TRPM3: variants seen among roughly 807,000 people sequenced by gnomAD.
TRPM3 encodes the protein transient receptor potential cation channel subfamily M member 3.
A neutral mutation model predicts 181.2 loss-of-function variants in TRPM3; 77 were observed. The observed-to-expected ratio is 0.42, with a 90% CI of 0.35 to 0.51. The LOEUF (loss-of-function observed/expected upper bound fraction) is 0.51. TRPM3 is among the 20% of genes least tolerant of loss of function. The probability of loss-of-function intolerance (pLI) is 0.01; values close to 1 mark genes in which losing one functional copy is unlikely to be tolerated. For synonymous variants in TRPM3, 745 were observed against 796.4 expected (o/e 0.94, Z 1.09); for missense variants, 1,759 against 2,196.7 (o/e 0.80, Z 3.98).
At chr9:70,781,566 G>A (rs932280749) in intron 7 of TRPM3, among the ~76,000 whole-genome samples, 1 of 151,896 alleles carries the variant, frequency 6.6e-6, no homozygotes, top group African/African-American at 2.4e-5. Context: ...AAGTGCATTT[G>A]AATATTTACA....
chr9:71,300,963 C>G (rs1424691376), intron 1 of TRPM3, among the ~76,000 whole-genome samples: 1 of 152,114 alleles, frequency 6.6e-6, no homozygotes, highest in Non-Finnish European at 1.5e-5. Context: ...TGTACATATT[C>G]AATGGCTAAT....
intron 1 of TRPM3, among the ~76,000 whole-genome samples, chr9:71,287,277 C>T (rs973934688): frequency 4.0e-5 from 6 of 151,294 alleles, no homozygotes; most frequent in Non-Finnish European, 8.8e-5. Context: ...TGTACAAATG[C>T]CAAGAAGAGG....
At chr9:71,371,750 T>A (rs1243933920) in intron 1 of TRPM3, among the ~76,000 whole-genome samples, 1 of 152,208 alleles carries the variant, frequency 6.6e-6, no homozygotes, top group Non-Finnish European at 1.5e-5. Flanking sequence ...GTGGGTAGAA[T>A]GCTATCTAAC....
intron 19 of TRPM3, among the ~76,000 whole-genome samples, chr9:70,605,835 T>C (rs569901557): frequency 1.3e-5 from 2 of 152,380 alleles, no homozygotes; most frequent in South Asian, 2.1e-4. Context: ...CCTGGTTTTA[T>C]CATTTTGCCC....
At chr9:70,787,763 C>CTTTTTTTTTTTTTTTTTTTTTGGTT (rs2084071076) in intron 6 of TRPM3, among the ~76,000 whole-genome samples, 1 of 68,558 alleles carries the variant, frequency 1.5e-5, no homozygotes, top group African/African-American at 5.8e-5. Flanking sequence ...TTTTTGGATT[C>CTTTTTTTTTTTTTTTTTTTTTGGTT]TTTTTTTTTT....
chr9:71,439,923 A>G (rs2094110655), intron 1 of TRPM3, among the ~76,000 whole-genome samples: 1 of 152,080 alleles, frequency 6.6e-6, no homozygotes, highest in Non-Finnish European at 1.5e-5. Flanking sequence ...GATCGAGACC[A>G]TCTCTGGCTA....
intron 8 of TRPM3, among the ~76,000 whole-genome samples, chr9:70,742,951 C>T (rs1321782667): frequency 6.6e-6 from 1 of 152,118 alleles, no homozygotes; most frequent in African/African-American, 2.4e-5. Flanking sequence ...AATCAATCAC[C>T]AATTCCTTTG....
intron 9 of TRPM3, among the ~76,000 whole-genome samples, chr9:70,663,943 T>G (rs766184814): frequency 6.6e-5 from 10 of 152,186 alleles, no homozygotes; most frequent in Non-Finnish European, 1.5e-4. Flanking sequence ...ACTTAACCTC[T>G]CCAAGACTTA....
At chr9:71,440,884 A>T (rs1345478603) in intron 1 of TRPM3, among the ~76,000 whole-genome samples, 1 of 152,226 alleles carries the variant, frequency 6.6e-6, no homozygotes, top group Non-Finnish European at 1.5e-5. Context: ...TAACAAAATG[A>T]AAGAAATATT....
At chr9:70,886,157 T>G (rs2132761540) in intron 1 of TRPM3, among the ~76,000 whole-genome samples, 2 of 152,336 alleles carry the variant, frequency 1.3e-5, no homozygotes, top group South Asian at 4.1e-4. Context: ...TAAGAACAAG[T>G]GACACAGTTA....
rs758282255 is a variant in TRPM3 at position 70,843,174 on chromosome 9, C to T, written c.677-47G>A. On this transcript the variant is annotated intron_variant, in intron 4 of 25. Transcript: ENST00000677713. Reference sequence around the variant, plus strand: ...TGATTTTTTCTTTTAAAGCAAATACCTTTTCATCATTCTAAAGAAAACTGT... The same window carrying T: ...TGATTTTTTCTTTTAAAGCAAATACTTTTTCATCATTCTAAAGAAAACTGT... 10 of 1,573,120 alleles carry T rather than the reference C, an allele frequency of 6.4e-6. 1 individual carries two copies. The South Asian group carries it at 1.2e-4, about 19-fold the overall frequency.
At chr9:70,783,059 C>T (rs1372102717) in intron 7 of TRPM3, among the ~76,000 whole-genome samples, 1 of 152,118 alleles carries the variant, frequency 6.6e-6, no homozygotes, top group African/African-American at 2.4e-5. Flanking sequence ...GAGGAGGGAG[C>T]ATCCTGCTGT....
chr9:70,682,126 T>A (rs4237242), intron 8 of TRPM3, among the ~76,000 whole-genome samples: 99,706 of 151,834 alleles, frequency 0.66, 33,157 homozygotes, highest in African/African-American at 0.76. Context: ...GTATTTTGTT[T>A]TAGCAGCCTG....
chr9:71,005,354 T>C (rs2134285197), intron 1 of TRPM3, among the ~76,000 whole-genome samples: 1 of 151,798 alleles, frequency 6.6e-6, no homozygotes, highest in African/African-American at 2.4e-5. Context: ...TGTGGTGAGC[T>C]GAGATCGCAC....
intron 17 of TRPM3, among the ~76,000 whole-genome samples, chr9:70,617,735 C>T (rs1019114059): frequency 9.9e-5 from 15 of 152,064 alleles, no homozygotes; most frequent in Non-Finnish European, 1.9e-4. Context: ...GAGGCCAAAG[C>T]GGGTGGATCA....
At chr9:71,090,854 C>T (rs780616016) in intron 1 of TRPM3, among the ~76,000 whole-genome samples, 53 of 152,054 alleles carry the variant, frequency 3.5e-4, no homozygotes, top group Middle Eastern at 3.4e-3. Context: ...AGTACTGTGC[C>T]GGGCATATAG....
chr9:70,756,558 T>A (rs2077122718), intron 8 of TRPM3, among the ~76,000 whole-genome samples: 1 of 152,128 alleles, frequency 6.6e-6, no homozygotes. Context: ...CAGCACCGCA[T>A]CACACTTATT....
chr9:71,332,446 AAC>A (rs2090274570), intron 1 of TRPM3, among the ~76,000 whole-genome samples: 1 of 150,600 alleles, frequency 6.6e-6, no homozygotes, highest in African/African-American at 2.5e-5. Flanking sequence ...AGTGAAATCT[AAC>A]ACAGTTTGAC....
At chr9:71,327,509 C>A (rs1163399536) in intron 1 of TRPM3, among the ~76,000 whole-genome samples, 1 of 151,964 alleles carries the variant, frequency 6.6e-6, no homozygotes, top group Non-Finnish European at 1.5e-5. Flanking sequence ...ACACAATCCA[C>A]CAAGGAGATA....
Sources: allele counts gnomAD v4.1 joint callset (sites outside exome capture counted in the v4.1 genomes callset), GRCh38; gene constraint gnomAD v4.1.1; transcripts MANE v1.5; gene names NCBI Gene and HGNC (gene_info 2026-07-23, HGNC 2026-07-21).